The following NPAS3 variants were observed in gnomAD, a reference collection of about 807,000 sequenced individuals.
The protein encoded by NPAS3 is neuronal PAS domain-containing protein 3.
In NPAS3, 14 loss-of-function variants were observed where a neutral mutation model predicts 73.1. The ratio of observed to expected loss-of-function variants is 0.19; its 90% CI spans 0.13 to 0.30. The LOEUF (loss-of-function observed/expected upper bound fraction) is 0.30. Ranked by LOEUF, NPAS3 falls within the 10% of genes least tolerant of loss-of-function variation. The pLI is 1.00. For missense variants in NPAS3, 1,096 were observed against 1,250.0 expected, an observed-to-expected ratio of 0.88 and a Z score of 1.86; for synonymous variants, 620 against 541.5, an observed-to-expected ratio of 1.14 and a Z score of -2.01.
At chr14:33,025,500 A>G (rs1386786847) in intron 1 of NPAS3, among the ~76,000 whole-genome samples, 2 of 152,194 alleles carry the variant, frequency 1.3e-5, no homozygotes, top group Non-Finnish European at 2.9e-5. Flanking sequence ...GGTTGGTTAG[A>G]GCAAGTCTGC....
chr14:33,546,369 T>C (rs1371050873), intron 4 of NPAS3, among the ~76,000 whole-genome samples: 1 of 152,224 alleles, frequency 6.6e-6, no homozygotes, highest in East Asian at 1.9e-4. Flanking sequence ...CATCACCCTG[T>C]AGCTAAGTGT....
At chr14:33,454,754 T>G (rs1216572787) in intron 4 of NPAS3, among the ~76,000 whole-genome samples, 1 of 152,218 alleles carries the variant, frequency 6.6e-6, no homozygotes, top group African/African-American at 2.4e-5. Flanking sequence ...GCTCAACTAT[T>G]ACTGATTCTG....
intron 2 of NPAS3, among the ~76,000 whole-genome samples, chr14:33,136,241 A>G (rs910516463): frequency 2.0e-5 from 3 of 151,816 alleles, no homozygotes; most frequent in Admixed American, 6.6e-5. Flanking sequence ...TTATATTTTT[A>G]GTAGAGACAG....
At chr14:33,108,939 T>C (rs1241216247) in intron 2 of NPAS3, among the ~76,000 whole-genome samples, 1 of 152,224 alleles carries the variant, frequency 6.6e-6, no homozygotes, top group Non-Finnish European at 1.5e-5. Context: ...TGATCGCATC[T>C]AACAAAGATC....
At chr14:33,355,634 C>T (rs1361526352) in intron 3 of NPAS3, among the ~76,000 whole-genome samples, 3 of 152,132 alleles carry the variant, frequency 2.0e-5, no homozygotes, top group South Asian at 2.1e-4. Flanking sequence ...TTTCTCTCTC[C>T]CCAGTCTCTA....
At chr14:32,977,356 G>GCGCACACACACA (rs1555313829) in intron 1 of NPAS3, among the ~76,000 whole-genome samples, 6 of 141,544 alleles carry the variant, frequency 4.2e-5, no homozygotes, top group African/African-American at 7.8e-5. Flanking sequence ...TCTCTGACAC[G>GCGCACACACACA]CACACACACA....
chr14:33,356,340 G>C (rs2045337669), intron 3 of NPAS3, among the ~76,000 whole-genome samples: 1 of 152,184 alleles, frequency 6.6e-6, no homozygotes, highest in Non-Finnish European at 1.5e-5. Flanking sequence ...AATGTTGATT[G>C]ATTGCACAGT....
intron 5 of NPAS3, among the ~76,000 whole-genome samples, chr14:33,673,931 T>C (rs544851305): frequency 6.6e-6 from 1 of 152,176 alleles, no homozygotes; most frequent in East Asian, 1.9e-4. Context: ...AACTACAGTA[T>C]ACATATAAAC....
intron 4 of NPAS3, among the ~76,000 whole-genome samples, chr14:33,410,624 C>T (rs1566877685): frequency 6.6e-6 from 1 of 152,156 alleles, no homozygotes; most frequent in Non-Finnish European, 1.5e-5. Flanking sequence ...TCCCAAGCTA[C>T]ATTTTGGCTC....
At position 33,199,503 on chromosome 14, in the gene NPAS3, G is replaced by A. The variant is rs117004221; in HGVS notation, c.141-15679G>A. Among the ~76,000 whole-genome samples the A allele has an allele frequency of 4.4e-3, 672 of 152,242 alleles. 3 individuals carry two copies. Among genetic ancestry groups the A allele is most frequent in the Non-Finnish European group, 7.3e-3 (497 of 68,002 alleles). On this transcript the variant is annotated intron_variant, in intron 2 of 11. Coordinates refer to ENST00000356141, the Ensembl canonical transcript of NPAS3. Reference sequence around the variant, plus strand: ...GAGGCTAGACAGGCTCTTGGCTGCTGCTGCTTTCCTCAGTTTACCTCAGTT... The same window carrying A: ...GAGGCTAGACAGGCTCTTGGCTGCTACTGCTTTCCTCAGTTTACCTCAGTT...
At chr14:33,430,142 C>G (rs112421180) in intron 4 of NPAS3, among the ~76,000 whole-genome samples, 1 of 152,120 alleles carries the variant, frequency 6.6e-6, no homozygotes, top group Non-Finnish European at 1.5e-5. Flanking sequence ...ATAAAAGGTG[C>G]TTGTTGTTGC....
At chr14:33,520,444 A>G (rs1448336801) in intron 4 of NPAS3, among the ~76,000 whole-genome samples, 1 of 152,092 alleles carries the variant, frequency 6.6e-6, no homozygotes, top group Non-Finnish European at 1.5e-5. Flanking sequence ...TGAAATAAGA[A>G]CACCACATTT....
intron 5 of NPAS3, among the ~76,000 whole-genome samples, chr14:33,587,949 AT>A (rs1467042096): frequency 6.6e-6 from 1 of 152,176 alleles, no homozygotes; most frequent in African/African-American, 2.4e-5. Flanking sequence ...GATAAACCTG[AT>A]TCACCACACC....
intron 3 of NPAS3, among the ~76,000 whole-genome samples, chr14:33,338,438 T>C (rs1466988715): frequency 6.6e-6 from 1 of 152,210 alleles, no homozygotes; most frequent in Non-Finnish European, 1.5e-5. Flanking sequence ...AGGTGTGTTT[T>C]GGTATACTAT....
intron 4 of NPAS3, among the ~76,000 whole-genome samples, chr14:33,465,037 A>G (rs1479189960): frequency 1.3e-5 from 2 of 152,168 alleles, no homozygotes; most frequent in African/African-American, 2.4e-5. Flanking sequence ...GATGTGTTTA[A>G]TGTGTGTTGC....
intron 3 of NPAS3, among the ~76,000 whole-genome samples, chr14:33,341,547 G>A (rs2044481908): frequency 6.6e-6 from 1 of 152,130 alleles, no homozygotes; most frequent in Admixed American, 6.5e-5. Context: ...GAGGGAAAGG[G>A]ATGCGGGAGG....
At chr14:33,755,307 T>G (rs2062082003) in intron 7 of NPAS3, among the ~76,000 whole-genome samples, 1 of 152,232 alleles carries the variant, frequency 6.6e-6, no homozygotes, top group Non-Finnish European at 1.5e-5. Context: ...TAGCTTATGT[T>G]TATCACAAGT....
At chr14:33,114,929 A>C (rs1450363101) in intron 2 of NPAS3, among the ~76,000 whole-genome samples, 2 of 152,186 alleles carry the variant, frequency 1.3e-5, no homozygotes, top group Non-Finnish European at 2.9e-5. Flanking sequence ...GAGCAGCCTG[A>C]GGATATGGGC....
intron 3 of NPAS3, among the ~76,000 whole-genome samples, chr14:33,299,557 C>T (rs576459077): frequency 6.6e-6 from 1 of 151,192 alleles, no homozygotes; most frequent in Non-Finnish European, 1.5e-5. Flanking sequence ...GAATTTGAAC[C>T]CTGCATAAAA....
Sources: allele counts gnomAD v4.1 joint callset (sites outside exome capture counted in the v4.1 genomes callset), GRCh38; gene constraint gnomAD v4.1.1; transcripts MANE v1.5; gene names NCBI Gene and HGNC (gene_info 2026-07-23, HGNC 2026-07-21).